SRRT: variants seen among roughly 807,000 people sequenced by gnomAD.
SRRT encodes serrate RNA effector molecule homolog.
A neutral mutation model predicts 103.2 loss-of-function variants in SRRT; 32 were observed. That is an observed-to-expected ratio of 0.31 (90% CI 0.23 to 0.42). The LOEUF (loss-of-function observed/expected upper bound fraction) is 0.42, where lower values mean the gene tolerates loss of function less well. SRRT is among the 10% of genes least tolerant of loss of function. The probability of loss-of-function intolerance (pLI) is 1.00; values close to 1 mark genes in which losing one functional copy is unlikely to be tolerated. For synonymous variants in SRRT, 525 were observed against 449.0 expected (o/e 1.17, Z -2.14); for missense variants, 986 against 1,207.5 (o/e 0.82, Z 2.72).
In SRRT at chr7:100,886,446, C is replaced by T; in HGVS notation, c.1647+11C>T. ...CCTCCCCTGCCCACGGTCAGTGACTCCCCAAAGGACTTTGTCAGAAGCAAC... is the reference window on the plus strand; with the variant it reads ...CCTCCCCTGCCCACGGTCAGTGACTTCCCAAAGGACTTTGTCAGAAGCAAC... On this transcript the variant is annotated intron_variant, in intron 13 of 19. Transcript: ENST00000611405. 1.9e-6 allele frequency: 3 copies of T among 1,603,614 alleles called. 1 individual carries two copies. The highest frequency in any genetic ancestry group is 2.6e-6 in the Non-Finnish European group (3 of 1,175,400).
intron 2 of SRRT, chr7:100,876,018 C>G (rs539640771): frequency 3.1e-6 from 1 of 327,306 alleles, no homozygotes; most frequent in Admixed American, 4.0e-5. Context: ...GGGTCTTGTT[C>G]TGCTGCCCTG....
At position 100,875,668 on chromosome 7, in the gene SRRT, C is replaced by T. The variant is rs748905910; in HGVS notation, c.78C>T (p.Ser26=). 4.0e-5 allele frequency: 65 copies of T among 1,614,034 alleles called. No homozygotes were observed. Among genetic ancestry groups the T allele is most frequent in the Non-Finnish European group, 5.4e-5 (64 of 1,180,010 alleles). The change falls in exon 2 of 20, where the codon TCC becomes TCT. Residue 26 remains serine, a synonymous_variant. Transcript: ENST00000611405. ...FRRERSDYDR[S]RERDERRRGD... ...GAGAGCGCAGCGACTACGACCGTTC[C>T]CGCGAGAGAGATGAAAGACGTCGAG... is the stretch of plus-strand genomic sequence containing the variant.
At chr7:100,878,490 G>T (rs1176740848) in intron 2 of SRRT, among the ~76,000 whole-genome samples, 1 of 152,154 alleles carries the variant, frequency 6.6e-6, no homozygotes, top group Non-Finnish European at 1.5e-5. Context: ...GGATTTTAAT[G>T]CAGCAGAGAA....
chr7:100,885,988 T>C lies in SRRT; in HGVS notation c.1458+47T>C. 1 of 1,589,176 alleles carries C rather than the reference T, an allele frequency of 6.3e-7. No individual in the cohort carries two copies. Among genetic ancestry groups the C allele is most frequent in the Non-Finnish European group, 8.6e-7 (1 of 1,158,690 alleles). ...GTGGGGAAGAGGAAGGGAGACTCTG[T>C]GCCACACGGGACCTCTGTGTGACTT... On this transcript the variant is annotated intron_variant, in intron 12 of 19. Transcript: ENST00000611405. This position sits in a 1 kb window ranked among gnomAD's most constrained non-coding sequence, Gnocchi z 4.8.
At position 100,887,813 on chromosome 7, in the gene SRRT, A is replaced by G. The variant is rs1790286762; in HGVS notation, c.2280A>G (p.Pro760=). The change falls in exon 17 of 20, where the codon CCA becomes CCG. Residue 760 remains proline (P), a synonymous_variant. Transcript: ENST00000611405. The surrounding 1 kb of genome is among the most constrained non-coding windows in gnomAD (Gnocchi z 4.1). ...FNNFLTDAKR[P]ALPEIKPAQP... The stretch of plus-strand genomic sequence containing the variant: ...ACTTCCTCACTGATGCTAAGCGCCC[A>G]GCTCTGCCTGAGATCAAGCCAGCCC... 6.2e-7 allele frequency: 1 copy of G among 1,612,488 alleles called. No individual in the cohort carries two copies. The highest frequency in any genetic ancestry group is 1.7e-5 in the Admixed American group (1 of 59,990).
At chr7:100,881,263 T>C in intron 2 of SRRT, 22 bp from the exon 3 acceptor site, 5 of 1,600,960 alleles carry the variant, frequency 3.1e-6, no homozygotes, top group Non-Finnish European at 4.3e-6. Context: ...CTTTAATCTT[T>C]GTTACTTGTT....
intron 2 of SRRT, among the ~76,000 whole-genome samples, chr7:100,880,270 C>T (rs1361625896): frequency 6.6e-6 from 1 of 152,072 alleles, no homozygotes; most frequent in Non-Finnish European, 1.5e-5. Context: ...ACATTTGGGC[C>T]CATAGTGGTG....
Position 100,885,268 on chromosome 7 carries a change from G to C in SRRT, c.1215G>C (p.Lys405Asn). The change falls in exon 10 of 20, where the codon AAG becomes AAC. Residue 405 changes from lysine to asparagine, a missense_variant. Around this residue, in one of 6 missense-constraint regions of SRRT, gnomAD observed 349 missense variants for 446.9 expected, o/e 0.78. Coordinates refer to ENST00000611405, the MANE Select transcript of SRRT (RefSeq NM_015908.6). This position sits in a 1 kb window ranked among gnomAD's most constrained non-coding sequence, Gnocchi z 4.8. ...AGGAAGAAGAATGGGAGAAGCCCAA[G>C]GACGCCGCGGGGCTGGAGTGCAAGC... The part of the protein sequence containing the change: ...KPKEEEWEKP[K>N]DAAGLECKPR... 1 of 1,614,200 alleles carries C rather than the reference G, an allele frequency of 6.2e-7. No individual in the cohort carries two copies. The highest frequency in any genetic ancestry group is 8.5e-7 in the Non-Finnish European group (1 of 1,180,046).
intron 18 of SRRT, 25 bp downstream of exon 18, chr7:100,888,168 G>C (rs762068131): frequency 6.2e-7 from 1 of 1,603,150 alleles, no homozygotes; most frequent in South Asian, 1.1e-5. Context: ...GAGATGAAGG[G>C]GCTTGGTGAG....
In SRRT at chr7:100,882,019, A is replaced by C; in HGVS notation, c.399-34A>C. The C allele has an allele frequency of 6.3e-7, 1 of 1,593,204 alleles. No homozygotes were observed. The highest frequency in any genetic ancestry group is 8.5e-7 in the Non-Finnish European group (1 of 1,171,082). Reference sequence around the variant, plus strand: ...CCCTGTAGCCTCCCACCGTTCCCCAAAAACCAAGCCTTCCTGACCGGGGTC... The same window carrying C: ...CCCTGTAGCCTCCCACCGTTCCCCACAAACCAAGCCTTCCTGACCGGGGTC... On this transcript the variant is annotated intron_variant, in intron 4 of 19. Coordinates refer to ENST00000611405, the MANE Select transcript of SRRT (RefSeq NM_015908.6). The surrounding 1 kb of genome is among the most constrained non-coding windows in gnomAD (Gnocchi z 4.2).
intron 2 of SRRT, among the ~76,000 whole-genome samples, chr7:100,880,327 A>T (rs1196889326): frequency 1.3e-5 from 2 of 151,770 alleles, no homozygotes; most frequent in Non-Finnish European, 2.9e-5. Flanking sequence ...GGGGGGGATG[A>T]AGTCTTGCTC....
intron 2 of SRRT, among the ~76,000 whole-genome samples, chr7:100,876,217 T>A (rs1279470965): frequency 1.3e-5 from 2 of 152,194 alleles, no homozygotes; most frequent in Non-Finnish European, 2.9e-5. Context: ...AATGGCGCAA[T>A]CTTGGCTCAC....
At position 100,885,384 on chromosome 7, in the gene SRRT, C is replaced by A; in HGVS notation, c.1317+14C>A. 1 of 1,610,270 alleles carries A rather than the reference C, an allele frequency of 6.2e-7. No individual in the cohort carries two copies. The highest frequency in any genetic ancestry group is 8.5e-7 in the Non-Finnish European group (1 of 1,177,282). On this transcript the variant is annotated intron_variant, in intron 10 of 19. Transcript: ENST00000611405. This position sits in a 1 kb window ranked among gnomAD's most constrained non-coding sequence, Gnocchi z 4.8. ...GAGATCATCTCCGTGAGTGGGGACC[C>A]GTGGAGTCAGGGCAGGGCTGATGGA...
At chr7:100,883,179 G>A (rs1390318641) in intron 5 of SRRT, 2 of 152,454 alleles carry the variant, frequency 1.3e-5, no homozygotes, top group Non-Finnish European at 2.9e-5. Flanking sequence ...CCCCTCTCTC[G>A]AATTGCTCTG....
chr7:100,877,356 G>T (rs1377392108), intron 2 of SRRT, among the ~76,000 whole-genome samples: 3 of 139,130 alleles, frequency 2.2e-5, no homozygotes, highest in Non-Finnish European at 4.6e-5. Context: ...AGGAGGCACA[G>T]GTTGTAGTGA....
chr7:100,884,294 C>T lies in SRRT; in HGVS notation c.757+55C>T, dbSNP rs138621054. ...CTGGGCCCCATGGGGGTGGGGGTGTCTGGGGATCAGGTAGAAGCCGGTTGA... is the reference window on the plus strand; with the variant it reads ...CTGGGCCCCATGGGGGTGGGGGTGTTTGGGGATCAGGTAGAAGCCGGTTGA... On this transcript the variant is annotated intron_variant, in intron 6 of 19. Coordinates refer to ENST00000611405, the MANE Select transcript of SRRT (RefSeq NM_015908.6). 6.5e-4 allele frequency: 1,048 copies of T among 1,608,310 alleles called. 6 individuals are homozygous for T. The African/African-American group carries it at 0.013, about 19-fold the overall frequency.
chr7:100,884,866 G>A (rs1584750935), intron 8 of SRRT, 28 bp downstream of exon 8: 2 of 1,613,906 alleles, frequency 1.2e-6, no homozygotes. Context: ...TGGGGTCAGA[G>A]TGTTGGGGCT....
In SRRT at chr7:100,885,037, G is replaced by T; in HGVS notation, c.1156G>T (p.Ala386Ser). The stretch of plus-strand genomic sequence containing the variant: ...CCAGGCTGAGGAGGAGAAGGAGGAG[G>T]CCGGTAGGGTTTCTTTTCTGCTTTA... The part of the protein sequence containing the change: ...SGQAEEEKEE[A>S]EEALKEKEKP... The change falls in exon 9 of 20, where the codon GCC becomes TCC. Residue 386 changes from alanine (A) to serine (S), a missense_variant. By Grantham distance (99) the Ala-to-Ser change is moderately conservative. Transcript: ENST00000611405. This position sits in a 1 kb window ranked among gnomAD's most constrained non-coding sequence, Gnocchi z 4.8. 3.7e-6 allele frequency: 6 copies of T among 1,613,876 alleles called. No individual in the cohort carries two copies. Among genetic ancestry groups the T allele is most frequent in the Non-Finnish European group, 5.1e-6 (6 of 1,180,002 alleles).
chr7:100,876,533 A>G (rs1815728090), intron 2 of SRRT, among the ~76,000 whole-genome samples: 2 of 152,188 alleles, frequency 1.3e-5, no homozygotes, highest in African/African-American at 4.8e-5. Flanking sequence ...TCAGAAAAAT[A>G]ATAATATAGA....
Sources: allele counts gnomAD v4.1 joint callset (sites outside exome capture counted in the v4.1 genomes callset), GRCh38; gene constraint gnomAD v4.1.1; regional missense constraint gnomAD v4.1.1; non-coding constraint Gnocchi (gnomAD v3.1); transcripts MANE v1.5; gene names NCBI Gene and HGNC (gene_info 2026-07-23, HGNC 2026-07-21).